Variants in SRSF12 observed in about 807,000 individuals in gnomAD.
The protein encoded by SRSF12 is serine and arginine rich splicing factor 12.
SRSF12 carries 21 observed loss-of-function variants against 34.1 expected under a neutral mutation model. The ratio of observed to expected loss-of-function variants is 0.62; its 90% CI spans 0.44 to 0.89. The LOEUF (loss-of-function observed/expected upper bound fraction) is 0.89. Ranked by LOEUF, SRSF12 falls within the 40% of genes least tolerant of loss-of-function variation. The pLI, the probability that SRSF12 is intolerant of heterozygous loss-of-function variation, is 0.00. For synonymous variants in SRSF12, 111 were observed against 110.8 expected (o/e 1.00, Z -0.01); for missense variants, 278 against 327.8 (o/e 0.85, Z 1.17).
Position 89,107,250 on chromosome 6 carries a change from T to C in SRSF12, c.74A>G (p.Asp25Gly). 1 of 1,613,832 alleles carries C rather than the reference T, an allele frequency of 6.2e-7. No homozygotes were observed. Among genetic ancestry groups the C allele is most frequent in the Non-Finnish European group, 8.5e-7 (1 of 1,179,878 alleles). The change falls in exon 2 of 5, where the codon GAC becomes GGC. Residue 25 changes from aspartate to glycine, a missense_variant. By Grantham distance (94) the Asp-to-Gly change is moderately conservative. Coordinates refer to ENST00000452027, the MANE Select transcript of SRSF12 (RefSeq NM_080743.5). ...ATATCGACCAAACTCACGGCGCAAG[T>C]CCTCAGGCCTGAAGTGTTTTAGAAA... ...RNVADATRPEDLRREFGRYGP... is the reference protein window; with the variant it reads ...RNVADATRPEGLRREFGRYGP...
At chr6:89,112,687 C>T (rs1005359654) in intron 1 of SRSF12, among the ~76,000 whole-genome samples, 3 of 151,998 alleles carry the variant, frequency 2.0e-5, no homozygotes, top group African/African-American at 7.2e-5. Context: ...ACTGGGATTA[C>T]AAGCATAAGC....
In SRSF12 at chr6:89,098,233, T is replaced by C. The variant is rs1351129994; in HGVS notation, c.*345A>G. The C allele has an allele frequency of 1.2e-5, 2 of 165,022 alleles. No homozygotes were observed. Among genetic ancestry groups the C allele is most frequent in the African/African-American group, 4.8e-5 (2 of 41,740 alleles). The allele number at this position is 165,022 out of a possible 1,614,324, so 10.2% of individuals were successfully genotyped here. ...CATGAAAGTGCTTTAAAGTCAAAAA[T>C]ATTTGTGTAAAAGGTATTATTAATA... On this transcript the variant is annotated 3_prime_UTR_variant, in exon 5 of 5. Coordinates refer to ENST00000452027, the MANE Select transcript of SRSF12 (RefSeq NM_080743.5).
chr6:89,104,310 C>G (rs1768685900), intron 4 of SRSF12, among the ~76,000 whole-genome samples: 1 of 149,196 alleles, frequency 6.7e-6, no homozygotes, highest in African/African-American at 2.5e-5. Context: ...GATCTCAGCT[C>G]ACTGCAACCT....
At chr6:89,105,734 T>C (rs1267706488) in intron 2 of SRSF12, 2 of 336,818 alleles carry the variant, frequency 5.9e-6, no homozygotes, top group African/African-American at 4.3e-5. Context: ...GAAGAGTGAG[T>C]CTAAAAATAA....
chr6:89,109,248 G>A (rs1334402930), intron 1 of SRSF12, among the ~76,000 whole-genome samples: 1 of 152,116 alleles, frequency 6.6e-6, no homozygotes, highest in Non-Finnish European at 1.5e-5. Flanking sequence ...GCCCAGTTAT[G>A]TTTAATTTTT....
At position 89,105,502 on chromosome 6, in the gene SRSF12, C is replaced by A. The variant is rs758367069; in HGVS notation, c.199G>T (p.Ala67Ser). The A allele has an allele frequency of 3.1e-6, 5 of 1,606,664 alleles. No individual in the cohort carries two copies. The Admixed American group carries it at 8.5e-5, about 27-fold the overall frequency. The stretch of plus-strand genomic sequence containing the variant: ...CACTTTCTATTGAGGTTATAAAGAG[C>A]ATCTTCAGCATCTCGAACATCTTCA... ...QFEDVRDAEDALYNLNRKWVC... is the reference protein window; with the variant it reads ...QFEDVRDAEDSLYNLNRKWVC... The change falls in exon 3 of 5, where the codon GCT becomes TCT. Residue 67 changes from alanine to serine, a missense_variant. Transcript: ENST00000452027.
chr6:89,107,706 A>G (rs1446454776), intron 1 of SRSF12, among the ~76,000 whole-genome samples: 1 of 152,058 alleles, frequency 6.6e-6, no homozygotes, highest in Non-Finnish European at 1.5e-5. Context: ...ACTGCACTCC[A>G]TCCAGCCTGG....
intron 1 of SRSF12, among the ~76,000 whole-genome samples, chr6:89,114,617 A>AG (rs1164540478): frequency 6.6e-6 from 1 of 150,798 alleles, no homozygotes; most frequent in Admixed American, 6.6e-5. Flanking sequence ...AAAAAAAAAA[A>AG]GTGAAAAAAT....
At chr6:89,114,530 A>G (rs1769199934) in intron 1 of SRSF12, among the ~76,000 whole-genome samples, 1 of 152,180 alleles carries the variant, frequency 6.6e-6, no homozygotes, top group African/African-American at 2.4e-5. Context: ...CACAGTGAGT[A>G]TTCAACAAAT....
At chr6:89,113,542 C>T (rs1343041260) in intron 1 of SRSF12, among the ~76,000 whole-genome samples, 1 of 152,122 alleles carries the variant, frequency 6.6e-6, no homozygotes, top group Admixed American at 6.5e-5. Context: ...CTCCTGACCT[C>T]AAGTGATCCA....
At chr6:89,113,470 C>T (rs554120158) in intron 1 of SRSF12, among the ~76,000 whole-genome samples, 22 of 152,202 alleles carry the variant, frequency 1.4e-4, no homozygotes, top group Admixed American at 5.9e-4. Flanking sequence ...CCGCACCCAG[C>T]CCAATTTTTT....
chr6:89,116,787 A>C (rs1446466279), intron 1 of SRSF12, among the ~76,000 whole-genome samples: 5 of 151,914 alleles, frequency 3.3e-5, no homozygotes, highest in Non-Finnish European at 5.9e-5. Flanking sequence ...AAAAAAAAAA[A>C]AAACTAAAAA....
chr6:89,101,706 AT>A (rs201341347), intron 4 of SRSF12, among the ~76,000 whole-genome samples: 7 of 147,012 alleles, frequency 4.8e-5, no homozygotes, highest in African/African-American at 1.5e-4. Flanking sequence ...TCAAAAAAAA[AT>A]AAAAATAAAA....
rs745721344 is a variant in SRSF12, at chr6:89,105,137, C to T, written c.398G>A (p.Arg133Gln). The change falls in exon 4 of 5, where the codon CGG becomes CAG. Residue 133 changes from arginine (R) to glutamine (Q), a missense_variant. Physicochemically the swap from Arg to Gln is conservative, Grantham distance 43. Transcript: ENST00000452027. The part of the protein sequence containing the change: ...RSSSWGRNRR[R>Q]SDSLKESRHR... ...TACTCACTCTTTAAGGCTGTCTGAC[C>T]GCCTCCTATTTCTTCCCCATGAAGA... The T allele has an allele frequency of 8.7e-6, 14 of 1,611,968 alleles. No homozygotes were observed. The highest frequency in any genetic ancestry group is 2.2e-5 in the East Asian group (1 of 44,842).
At chr6:89,103,549 G>A (rs900946710) in intron 4 of SRSF12, among the ~76,000 whole-genome samples, 3 of 152,054 alleles carry the variant, frequency 2.0e-5, no homozygotes, top group Non-Finnish European at 2.9e-5. Flanking sequence ...GACTGGTCTC[G>A]AACTCCTGAC....
chr6:89,099,538 GT>G (rs201450623), intron 4 of SRSF12, among the ~76,000 whole-genome samples: 9 of 126,200 alleles, frequency 7.1e-5, no homozygotes, highest in Admixed American at 1.6e-4. Context: ...ACACATACAT[GT>G]TTTTTTTTTT....
At chr6:89,100,331 A>G (rs1469591232) in intron 4 of SRSF12, among the ~76,000 whole-genome samples, 2 of 152,218 alleles carry the variant, frequency 1.3e-5, no homozygotes, top group Non-Finnish European at 2.9e-5. Flanking sequence ...AAGGGCTACA[A>G]TCTAGAGGTA....
chr6:89,098,575 T>C lies in SRSF12; in HGVS notation c.*3A>G. Reference sequence around the variant, plus strand: ...GACGGCGTGGTGCTCTTTCTGTTGCTGTTCACCAACTGTTTTTATGACGAT... The same window carrying C: ...GACGGCGTGGTGCTCTTTCTGTTGCCGTTCACCAACTGTTTTTATGACGAT... On this transcript the variant is annotated 3_prime_UTR_variant, in exon 5 of 5. Transcript: ENST00000452027. 8 of 1,604,386 alleles carry C rather than the reference T, an allele frequency of 5.0e-6. No individual in the cohort carries two copies. Among genetic ancestry groups the C allele is most frequent in the Middle Eastern group, 1.7e-4 (1 of 6,020 alleles).
chr6:89,099,130 T>C (rs930172157), intron 4 of SRSF12, among the ~76,000 whole-genome samples, 183 bp from the exon 5 acceptor site: 16 of 152,062 alleles, frequency 1.1e-4, no homozygotes, highest in African/African-American at 3.6e-4. Flanking sequence ...TTTGTAATAT[T>C]TGTTATACTA....
Sources: allele counts gnomAD v4.1 joint callset (sites outside exome capture counted in the v4.1 genomes callset), GRCh38; gene constraint gnomAD v4.1.1; transcripts MANE v1.5; gene names NCBI Gene and HGNC (gene_info 2026-07-23, HGNC 2026-07-21).